Variants in KCNJ6 observed in about 807,000 individuals in gnomAD.
KCNJ6 encodes the protein potassium inwardly rectifying channel subfamily J member 6.
Under a neutral mutation model 34.2 loss-of-function variants are expected in KCNJ6, and 9 were observed. The ratio of observed to expected loss-of-function variants is 0.26; its 90% CI spans 0.16 to 0.46. KCNJ6 has a LOEUF of 0.46. Among genes scored for constraint, KCNJ6 ranks in the 20% least tolerant of loss-of-function variants. The pLI is 1.00. For missense variants in KCNJ6, 236 were observed against 531.3 expected (o/e 0.44, Z 5.46); for synonymous variants, 196 against 207.1 (o/e 0.95, Z 0.46).
chr21:37,611,596 T>G lies in KCNJ6; in HGVS notation c.*13563A>C, dbSNP rs971310169. ...ATAGATGCAGAAATCCTCAACAAAATATTAGCAAATCAAGTCCAACAATAT... is the reference window on the plus strand; with the variant it reads ...ATAGATGCAGAAATCCTCAACAAAAGATTAGCAAATCAAGTCCAACAATAT... On this transcript the variant is annotated 3_prime_UTR_variant, in exon 4 of 4. Coordinates refer to ENST00000609713, the MANE Select transcript of KCNJ6 (RefSeq NM_002240.5). 1.3e-5 allele frequency: 2 copies of G among 152,106 alleles called. No homozygotes were observed. The highest frequency in any genetic ancestry group is 4.8e-5 in the African/African-American group (2 of 41,422). 9.4% of individuals were successfully genotyped at this position (152,106 alleles called of 1,614,324 possible).
intron 3 of KCNJ6, among the ~76,000 whole-genome samples, chr21:37,713,506 G>A (rs1269025701): frequency 1.3e-5 from 2 of 152,060 alleles, no homozygotes; most frequent in Non-Finnish European, 2.9e-5. Context: ...AGACATGAGC[G>A]AAGACGTCAG....
At chr21:37,827,191 A>G (rs568642725) in intron 2 of KCNJ6, among the ~76,000 whole-genome samples, 50 of 152,328 alleles carry the variant, frequency 3.3e-4, no homozygotes, top group African/African-American at 1.1e-3. Flanking sequence ...AGTGTGCTTT[A>G]TCTCCCTGAA....
intron 3 of KCNJ6, among the ~76,000 whole-genome samples, chr21:37,641,965 C>T (rs2054382867): frequency 6.6e-6 from 1 of 152,116 alleles, no homozygotes; most frequent in Admixed American, 6.5e-5. Context: ...GAGGGAAGAG[C>T]CGAGAAGGAC....
At chr21:37,883,130 A>G (rs1487716513) in intron 1 of KCNJ6, among the ~76,000 whole-genome samples, 1 of 152,216 alleles carries the variant, frequency 6.6e-6, no homozygotes, top group African/African-American at 2.4e-5. Context: ...TCTGTCTCCA[A>G]GTAGTTGGGT....
intron 3 of KCNJ6, among the ~76,000 whole-genome samples, chr21:37,668,934 A>C (rs1318447536): frequency 6.6e-6 from 1 of 152,202 alleles, no homozygotes; most frequent in African/African-American, 2.4e-5. Context: ...TCTGTAAGGA[A>C]TCTCTAATAA....
intron 1 of KCNJ6, among the ~76,000 whole-genome samples, chr21:37,846,021 T>C (rs549518401): frequency 2.6e-5 from 4 of 152,012 alleles, no homozygotes; most frequent in Non-Finnish European, 4.4e-5. Context: ...TGTTCACAGA[T>C]GCTGAAAAAA....
At chr21:37,872,788 G>A (rs2055658930) in intron 1 of KCNJ6, among the ~76,000 whole-genome samples, 1 of 152,148 alleles carries the variant, frequency 6.6e-6, no homozygotes, top group Admixed American at 6.5e-5. Flanking sequence ...CACATGTCAT[G>A]GGAGGGAACT....
At position 37,735,686 on chromosome 21, in the gene KCNJ6, C is replaced by T. The variant is rs147622524; in HGVS notation, c.26-20555G>A. ...GGGGTGTGTAAAGCCTGTGACTTTGCTTGGTGGAAACCCACAGCTGGAGGC... is the reference window on the plus strand; with the variant it reads ...GGGGTGTGTAAAGCCTGTGACTTTGTTTGGTGGAAACCCACAGCTGGAGGC... On this transcript the variant is annotated intron_variant, in intron 2 of 3. Coordinates refer to ENST00000609713, the MANE Select transcript of KCNJ6 (RefSeq NM_002240.5). Among the ~76,000 whole-genome samples the T allele has an allele frequency of 6.7e-3, 1,015 of 152,220 alleles. 6 individuals are homozygous for T. The highest frequency in any genetic ancestry group is 0.051 in the Middle Eastern group (15 of 294).
chr21:37,870,579 C>A (rs1408939911), intron 1 of KCNJ6, among the ~76,000 whole-genome samples: 3 of 113,584 alleles, frequency 2.6e-5, no homozygotes, highest in African/African-American at 7.5e-5. Flanking sequence ...ATACTTAGAA[C>A]AATTCAAAAT....
chr21:37,736,176 T>C (rs1374647296), intron 2 of KCNJ6, among the ~76,000 whole-genome samples: 1 of 134,886 alleles, frequency 7.4e-6, no homozygotes, highest in African/African-American at 2.5e-5. Context: ...GCACCTCCTG[T>C]GTACCGAGCC....
intron 2 of KCNJ6, among the ~76,000 whole-genome samples, chr21:37,784,097 G>A (rs1374394342): frequency 6.6e-6 from 1 of 152,148 alleles, no homozygotes; most frequent in African/African-American, 2.4e-5. Context: ...GTGTCCCATT[G>A]AGTCCACCTC....
intron 2 of KCNJ6, among the ~76,000 whole-genome samples, chr21:37,771,167 A>G (rs1212962864): frequency 6.6e-6 from 1 of 152,234 alleles, no homozygotes; most frequent in Non-Finnish European, 1.5e-5. Flanking sequence ...TTAGGTATCA[A>G]CATGGCTTAG....
At chr21:37,838,887 G>T (rs2055465257) in intron 2 of KCNJ6, among the ~76,000 whole-genome samples, 1 of 152,204 alleles carries the variant, frequency 6.6e-6, no homozygotes, top group Non-Finnish European at 1.5e-5. Context: ...TGCTGCTCTA[G>T]TGATACTGAG....
intron 2 of KCNJ6, among the ~76,000 whole-genome samples, chr21:37,773,243 G>A (rs910845997): frequency 6.6e-6 from 1 of 152,174 alleles, no homozygotes; most frequent in Non-Finnish European, 1.5e-5. Context: ...GAGGCTTCAC[G>A]GCATAGCAGG....
At chr21:37,701,482 A>G (rs2054690853) in intron 3 of KCNJ6, among the ~76,000 whole-genome samples, 1 of 152,094 alleles carries the variant, frequency 6.6e-6, no homozygotes, top group Non-Finnish European at 1.5e-5. Flanking sequence ...ACCACATAGG[A>G]GATTTCACTC....
At chr21:37,682,642 A>G (rs2054595800) in intron 3 of KCNJ6, among the ~76,000 whole-genome samples, 1 of 152,172 alleles carries the variant, frequency 6.6e-6, no homozygotes, top group Non-Finnish European at 1.5e-5. Flanking sequence ...TAACCTAATT[A>G]CATCCTTATA....
intron 1 of KCNJ6, among the ~76,000 whole-genome samples, chr21:37,876,037 G>T (rs1055828937): frequency 6.6e-6 from 1 of 152,170 alleles, no homozygotes; most frequent in Non-Finnish European, 1.5e-5. Context: ...ATAATTTGTG[G>T]GGCCTAGTGT....
intron 3 of KCNJ6, among the ~76,000 whole-genome samples, chr21:37,641,203 G>A (rs1467063399): frequency 2.0e-5 from 3 of 152,094 alleles, no homozygotes; most frequent in Non-Finnish European, 4.4e-5. Flanking sequence ...GCTCTGTCTT[G>A]GCCACAATTT....
At position 37,714,082 on chromosome 21, in the gene KCNJ6, T is replaced by TGAAGCAAGGGGA; in HGVS notation, c.946+117_946+128dup. ...TGAGACATGTAGGCATACTATGTCA[T>TGAAGCAAGGGGA]GAAGCAAGGGGATGTTGTCAATATT... On this transcript the variant is annotated intron_variant, in intron 3 of 3. Transcript: ENST00000609713. The surrounding 1 kb of genome is among the most constrained non-coding windows in gnomAD (Gnocchi z 5.9). The TGAAGCAAGGGGA allele has an allele frequency of 1.4e-6, 1 of 722,724 alleles. No individual in the cohort carries two copies. The highest frequency in any genetic ancestry group is 2.4e-6 in the Non-Finnish European group (1 of 421,542). The allele number at this position is 722,724 out of a possible 1,614,324, so 44.8% of individuals were successfully genotyped here.
Sources: gnomAD v4.1 joint callset for allele counts (sites outside exome capture counted in the v4.1 genomes callset) on GRCh38, gnomAD v4.1.1 for gene constraint, Gnocchi (gnomAD v3.1) non-coding constraint, MANE v1.5 for transcripts, NCBI Gene and HGNC (gene_info 2026-07-23, HGNC 2026-07-21) for gene names.